Variants in CTNNA3 observed in about 807,000 individuals in gnomAD.
The protein encoded by CTNNA3 is catenin alpha 3, also known as catenin alpha-3.
A neutral mutation model predicts 95.7 loss-of-function variants in CTNNA3; 76 were observed. The ratio of observed to expected loss-of-function variants is 0.79; its 90% CI spans 0.66 to 0.96. The LOEUF is 0.96. Ranked by LOEUF, CTNNA3 falls within the 40% of genes least tolerant of loss-of-function variation. The probability of loss-of-function intolerance (pLI) is 0.00; values close to 1 mark genes in which losing one functional copy is unlikely to be tolerated. For missense variants in CTNNA3, 1,191 were observed against 1,089.8 expected, an observed-to-expected ratio of 1.09 and a Z score of -1.31; for synonymous variants, 431 against 374.4, an observed-to-expected ratio of 1.15 and a Z score of -1.74.
rs201651969 is a variant in CTNNA3, at chr10:66,797,416, A to AC, written c.1048-21893_1048-21892insG. The stretch of plus-strand genomic sequence containing the variant: ...TGAGTTCAAAAGTAAGAAAAAAAAA[A>AC]AAAAAACCCACATTTAAATACTAAC... On this transcript the variant is annotated intron_variant, in intron 7 of 17. Transcript: ENST00000433211. Among the ~76,000 whole-genome samples the AC allele has an allele frequency of 8.6e-3, 1,261 of 146,042 alleles. 20 individuals are homozygous for AC. Among genetic ancestry groups the AC allele is most frequent in the African/African-American group, 0.032 (1,184 of 36,980 alleles).
intron 5 of CTNNA3, among the ~76,000 whole-genome samples, chr10:67,333,877 T>C (rs1841887666): frequency 6.6e-6 from 1 of 152,086 alleles, no homozygotes; most frequent in African/African-American, 2.4e-5. Context: ...TGAAGCACTG[T>C]GTTAAGAAGG....
chr10:66,000,828 C>T lies in CTNNA3; in HGVS notation c.2160-12031G>A, dbSNP rs919213490. On this transcript the variant is annotated intron_variant, in intron 15 of 17. Coordinates refer to ENST00000433211, the MANE Select transcript of CTNNA3 (RefSeq NM_013266.4). ...CAAACTGACGAACAGACAAGTTAAA[C>T]GTAGCTTGACCAAGTTTCACAGGTA... Among the ~76,000 whole-genome samples the T allele has an allele frequency of 3.3e-5, 5 of 152,192 alleles. No individual in the cohort carries two copies. The South Asian group carries it at 8.3e-4, about 25-fold the overall frequency.
At chr10:66,453,345 T>C (rs1186455992) in intron 11 of CTNNA3, among the ~76,000 whole-genome samples, 1 of 152,168 alleles carries the variant, frequency 6.6e-6, no homozygotes, top group East Asian at 1.9e-4. Flanking sequence ...ACTGTCTCAG[T>C]AGAGCAGCTT....
chr10:66,946,577 A>G (rs1314603505), intron 7 of CTNNA3, among the ~76,000 whole-genome samples: 1 of 152,104 alleles, frequency 6.6e-6, no homozygotes, highest in Non-Finnish European at 1.5e-5. Flanking sequence ...CACTACTGTT[A>G]CCTGTAACAG....
At chr10:67,548,763 T>C (rs559977800) in intron 3 of CTNNA3, among the ~76,000 whole-genome samples, 1 of 151,094 alleles carries the variant, frequency 6.6e-6, no homozygotes, top group African/African-American at 2.4e-5. Context: ...AACTGGACAA[T>C]CAAAACTTAA....
rs181503280 is a variant in CTNNA3, at chr10:66,646,281, G to A, written c.1282-24497C>T. Among the ~76,000 whole-genome samples, 107 of 152,238 alleles carry A rather than the reference G, an allele frequency of 7.0e-4. 1 individual carries two copies. Among genetic ancestry groups the A allele is most frequent in the African/African-American group, 2.5e-3 (102 of 41,560 alleles). On this transcript the variant is annotated intron_variant, in intron 9 of 17. Coordinates refer to ENST00000433211, the MANE Select transcript of CTNNA3 (RefSeq NM_013266.4). The stretch of plus-strand genomic sequence containing the variant: ...ATCCACTTGAACCATACATGCGGAC[G>A]TGTGGATAGGCATCAGCATTCCAGC...
chr10:65,973,005 A>AG (rs944860096), intron 16 of CTNNA3, among the ~76,000 whole-genome samples: 20 of 152,108 alleles, frequency 1.3e-4, no homozygotes, highest in African/African-American at 4.6e-4. Flanking sequence ...TGGCACAAAA[A>AG]CAGATACACA....
chr10:67,476,855 T>A (rs370836765), intron 5 of CTNNA3, among the ~76,000 whole-genome samples: 2 of 150,024 alleles, frequency 1.3e-5, no homozygotes, highest in East Asian at 2.0e-4. Context: ...CTGTGCAGAG[T>A]TTCAGGTACA....
At position 65,932,854 on chromosome 10, in the gene CTNNA3, C is replaced by T. The variant is rs1475089948; in HGVS notation, c.2401-12237G>A. 2.6e-5 allele frequency among the ~76,000 whole-genome samples: 4 copies of T among 152,028 alleles called. No homozygotes were observed. In the South Asian group the frequency reaches 8.3e-4, roughly 32 times the overall value. On this transcript the variant is annotated intron_variant, in intron 17 of 17. Coordinates refer to ENST00000433211, the MANE Select transcript of CTNNA3 (RefSeq NM_013266.4). ...CTTGGTTTTTCTGAATGGTGCTCCC[C>T]AGCTTCTCTTGTCCTCCAGAAACAT...
At chr10:67,481,929 G>A (rs1024306358) in intron 5 of CTNNA3, among the ~76,000 whole-genome samples, 5 of 151,770 alleles carry the variant, frequency 3.3e-5, no homozygotes, top group South Asian at 2.1e-4. Flanking sequence ...TTTTGTATAA[G>A]GTGTAAGGAA....
chr10:66,853,126 G>A (rs1315124019), intron 7 of CTNNA3, among the ~76,000 whole-genome samples: 1 of 152,036 alleles, frequency 6.6e-6, no homozygotes, highest in East Asian at 1.9e-4. Context: ...TATGATACAG[G>A]AGCACTATAT....
intron 5 of CTNNA3, among the ~76,000 whole-genome samples, chr10:67,319,187 A>G (rs577350342): frequency 6.6e-6 from 1 of 152,328 alleles, no homozygotes; most frequent in African/African-American, 2.4e-5. Context: ...GTCACAACTC[A>G]TTGCTGGAAA....
chr10:67,692,055 C>T lies in CTNNA3; in HGVS notation c.-6+3945G>A, dbSNP rs1283744895. Among the ~76,000 whole-genome samples the T allele has an allele frequency of 4.1e-5, 6 of 145,424 alleles. No individual in the cohort carries two copies. In the East Asian group the frequency reaches 1.3e-3, roughly 31 times the overall value. The stretch of plus-strand genomic sequence containing the variant: ...CCCTCTGCCCGGCCAGCCGCCCCGT[C>T]CGGGAGGGAGGTGGGGGGGTCAGCC... On this transcript the variant is annotated intron_variant, in intron 1 of 17. Transcript: ENST00000433211.
chr10:66,620,358 CT>C (rs1462904773), intron 10 of CTNNA3, among the ~76,000 whole-genome samples: 1 of 147,454 alleles, frequency 6.8e-6, no homozygotes, highest in African/African-American at 2.5e-5. Context: ...AAAATACAAC[CT>C]AACAAAAATC....
chr10:67,222,080 A>G (rs1205561439), intron 5 of CTNNA3, among the ~76,000 whole-genome samples: 1 of 151,998 alleles, frequency 6.6e-6, no homozygotes, highest in Non-Finnish European at 1.5e-5. Context: ...TTTTCACAAG[A>G]CTCTGCTACT....
chr10:67,179,048 G>C (rs1862377693), intron 7 of CTNNA3, among the ~76,000 whole-genome samples: 1 of 152,064 alleles, frequency 6.6e-6, no homozygotes, highest in Admixed American at 6.6e-5. Context: ...CAAATGTGTT[G>C]AAGGGTCTTC....
intron 1 of CTNNA3, among the ~76,000 whole-genome samples, chr10:67,721,772 TG>T (rs1218082940): frequency 1.3e-5 from 2 of 152,230 alleles, no homozygotes; most frequent in African/African-American, 4.8e-5. Context: ...CTTTTTGTGC[TG>T]GTTTTCCTCA....
chr10:67,647,394 T>C (rs1839748674), intron 2 of CTNNA3, 21 bp downstream of exon 2: 3 of 1,552,818 alleles, frequency 1.9e-6, no homozygotes, highest in South Asian at 2.3e-5. Flanking sequence ...CTATATATCA[T>C]AATTTCCATG....
At chr10:67,627,976 T>C (rs1245470760) in intron 2 of CTNNA3, among the ~76,000 whole-genome samples, 5 of 151,854 alleles carry the variant, frequency 3.3e-5, no homozygotes, top group South Asian at 2.1e-4. Context: ...TCAGAGATTA[T>C]GTAAAGGTTG....
Sources: gnomAD v4.1 joint callset for allele counts (sites outside exome capture counted in the v4.1 genomes callset) on GRCh38, gnomAD v4.1.1 for gene constraint, MANE v1.5 for transcripts, NCBI Gene and HGNC (gene_info 2026-07-23, HGNC 2026-07-21) for gene names.